COL12A1: variants seen among roughly 807,000 people sequenced by gnomAD.
The protein encoded by COL12A1 is collagen alpha-1(XII) chain.
COL12A1 carries 114 observed loss-of-function variants against 349.7 expected under a neutral mutation model. The ratio of observed to expected loss-of-function variants is 0.33; its 90% CI spans 0.28 to 0.38. The LOEUF is 0.38. Ranked by LOEUF, COL12A1 falls within the 10% of genes least tolerant of loss-of-function variation. The pLI is 1.00. For missense variants in COL12A1, 3,284 were observed against 3,756.9 expected, an observed-to-expected ratio of 0.87 and a Z score of 3.29; for synonymous variants, 1,369 against 1,329.0, an observed-to-expected ratio of 1.03 and a Z score of -0.66.
At chr6:75,146,805 T>G (rs1442850929) in intron 23 of COL12A1, among the ~76,000 whole-genome samples, 1 of 152,156 alleles carries the variant, frequency 6.6e-6, no homozygotes, top group East Asian at 1.9e-4. Context: ...GAGTTCAAAG[T>G]TTTAAGAAAT....
intron 2 of COL12A1, among the ~76,000 whole-genome samples, chr6:75,196,846 G>T (rs143004429): frequency 6.6e-6 from 1 of 152,316 alleles, no homozygotes; most frequent in Non-Finnish European, 1.5e-5. Flanking sequence ...CGGACATTAG[G>T]TTAAAACTGC....
At chr6:75,189,487 C>T (rs1769811796) in intron 6 of COL12A1, 65 bp downstream of exon 6, 1 of 1,578,290 alleles carries the variant, frequency 6.3e-7, no homozygotes, top group Non-Finnish European at 8.6e-7. Flanking sequence ...ATAGGCAATG[C>T]ATCATTTCTT....
At chr6:75,131,883 C>T in intron 35 of COL12A1, 57 bp downstream of exon 35, 1 of 1,592,046 alleles carries the variant, frequency 6.3e-7, no homozygotes, top group African/African-American at 1.3e-5. Context: ...TCAAACGTGA[C>T]ACAAACATGT....
chr6:75,183,447 G>T lies in COL12A1; in HGVS notation c.1494C>A (p.Thr498=), dbSNP rs777711709. ...TTGCTTCAATTATATCTTCAACTTT[G>T]GTGAATTTTTTCAAAGTGAACTCAG... ...PHTEFTLKKF[T]KVEDIIEAIN... Residue 498 remains threonine, a synonymous_variant, in exon 10 of 66, where the codon ACC becomes ACA. Transcript: ENST00000322507. The T allele has an allele frequency of 1.2e-6, 2 of 1,614,120 alleles. No individual in the cohort carries two copies.
chr6:75,138,299 TTCA>T lies in COL12A1; in HGVS notation c.5251+18_5251+20del, dbSNP rs1434361868. 2 of 1,594,352 alleles carry T rather than the reference TTCA, an allele frequency of 1.3e-6. No individual in the cohort carries two copies. Among genetic ancestry groups the T allele is most frequent in the East Asian group, 2.2e-5 (1 of 44,744 alleles). On this transcript the variant is annotated intron_variant, in intron 30 of 65. Transcript: ENST00000322507. ...ATTCATTATTTGTTCATTCAAACAA[TTCA>T]TCAAATTAAATTCTTACCTTGTGTT...
At chr6:75,117,888 C>T (rs1190196830) in intron 46 of COL12A1, among the ~76,000 whole-genome samples, 2 of 152,112 alleles carry the variant, frequency 1.3e-5, no homozygotes, top group Admixed American at 6.6e-5. Context: ...ATATTTTAAG[C>T]TTATGTGACT....
intron 13 of COL12A1, among the ~76,000 whole-genome samples, chr6:75,169,305 T>C (rs1480173415): frequency 6.6e-6 from 1 of 152,186 alleles, no homozygotes; most frequent in African/African-American, 2.4e-5. Flanking sequence ...GAGTCCCTTT[T>C]TAGAGTACCT....
chr6:75,167,678 G>T (rs1363590056), intron 13 of COL12A1, among the ~76,000 whole-genome samples: 1 of 152,158 alleles, frequency 6.6e-6, no homozygotes, highest in Non-Finnish European at 1.5e-5. Context: ...AATAGGAAGA[G>T]AATTGTGGTT....
At chr6:75,157,990 T>C (rs556947359) in intron 14 of COL12A1, among the ~76,000 whole-genome samples, 75 of 152,248 alleles carry the variant, frequency 4.9e-4, no homozygotes, top group Admixed American at 1.8e-3. Context: ...TATTTCCAAG[T>C]AACTTAACTG....
intron 25 of COL12A1, 129 bp downstream of exon 25, chr6:75,145,197 T>C (rs1248439264): frequency 1.1e-6 from 1 of 940,466 alleles, no homozygotes; most frequent in African/African-American, 1.7e-5. Flanking sequence ...TCAAATTTGA[T>C]TGTCAAAAGT....
At chr6:75,156,966 G>T (rs1399742205) in intron 14 of COL12A1, among the ~76,000 whole-genome samples, 1 of 152,130 alleles carries the variant, frequency 6.6e-6, no homozygotes, top group East Asian at 1.9e-4. Context: ...TAACTAGCCA[G>T]AGTGACTGTA....
In COL12A1 at chr6:75,175,261, A is replaced by T; in HGVS notation, c.2487T>A (p.Thr829=). 1.9e-6 allele frequency: 3 copies of T among 1,614,246 alleles called. No individual in the cohort carries two copies. The highest frequency in any genetic ancestry group is 2.5e-6 in the Non-Finnish European group (3 of 1,180,048). Residue 829 remains threonine, a synonymous_variant, in exon 13 of 66, where the codon ACT becomes ACA. Coordinates refer to ENST00000322507, the MANE Select transcript of COL12A1 (RefSeq NM_004370.6). The part of the protein sequence containing the change: ...DLRVSDPTTS[T]MKLSWSGAPG... ...GTGCCCCACTCCAAGATAATTTCAT[A>T]GTAGACGTCGTAGGGTCAGAAACTC...
chr6:75,133,958 G>A lies in COL12A1; in HGVS notation c.5564C>T (p.Pro1855Leu). The A allele has an allele frequency of 6.2e-7, 1 of 1,614,010 alleles. No individual in the cohort carries two copies. Among genetic ancestry groups the A allele is most frequent in the Non-Finnish European group, 8.5e-7 (1 of 1,179,956 alleles). ...GCGGACATTCAAGGTGCTGGTAGAA[G>A]GGTCATACACTCTCAGGTTCCTTAC... is the stretch of plus-strand genomic sequence containing the variant. ...NTVRNLRVYD[P>L]STSTLNVRWD... is the part of the protein sequence containing the mutation. Residue 1855 changes from proline to leucine, a missense_variant, in exon 33 of 66, where the codon CCT (proline) becomes CTT (leucine). By Grantham distance (98) the Pro-to-Leu change is moderately conservative. This residue lies in a region of COL12A1 where 2,601 missense variants were observed against 2,824.8 expected (regional missense o/e 0.92). Transcript: ENST00000322507.
At chr6:75,122,810 C>G (rs1765812108) in intron 43 of COL12A1, among the ~76,000 whole-genome samples, 1 of 152,194 alleles carries the variant, frequency 6.6e-6, no homozygotes, top group South Asian at 2.1e-4. Context: ...CCCTCAAATG[C>G]TGAGAGATCA....
Position 75,137,373 on chromosome 6 carries a change from G to A in COL12A1, c.5394+64C>T, listed in dbSNP as rs1048079913. ...AGTATGACTAACTAAGCACTGAGGGGGAAAAAGAGTTTGAAGAGAAATGGT... is the reference window on the plus strand; with the variant it reads ...AGTATGACTAACTAAGCACTGAGGGAGAAAAAGAGTTTGAAGAGAAATGGT... On this transcript the variant is annotated intron_variant, in intron 31 of 65. Coordinates refer to ENST00000322507, the MANE Select transcript of COL12A1 (RefSeq NM_004370.6). 125 of 1,432,308 alleles carry A rather than the reference G, an allele frequency of 8.7e-5. 2 individuals are homozygous for A. Among genetic ancestry groups the A allele is most frequent in the South Asian group, 4.3e-4 (32 of 75,216 alleles). 88.7% of individuals were successfully genotyped at this position (1,432,308 alleles called of 1,614,324 possible).
At chr6:75,176,514 G>A (rs1768967875) in intron 12 of COL12A1, among the ~76,000 whole-genome samples, 1 of 151,858 alleles carries the variant, frequency 6.6e-6, no homozygotes, top group Admixed American at 6.6e-5. Context: ...TGGGGAGAGT[G>A]ATGTAGAGGG....
At chr6:75,131,516 T>G (rs1320217892) in intron 35 of COL12A1, among the ~76,000 whole-genome samples, 1 of 152,244 alleles carries the variant, frequency 6.6e-6, no homozygotes, top group African/African-American at 2.4e-5. Flanking sequence ...TTCATAGGTT[T>G]ATTTTCCTTT....
rs1769422483 is a variant in COL12A1, at chr6:75,183,331, G to A, written c.1610C>T (p.Ser537Leu). ...CATGACCTTTGGCACATTGCTTCTT[G>A]ATCCCTTGCTAGGCACAAATATTTT... ...REKIFVPSKG[S>L]RSNVPKVMIL... Residue 537 changes from serine to leucine, a missense_variant, in exon 10 of 66, where the codon TCA becomes TTA. Ser to Leu is a moderately radical substitution (Grantham distance 145, BLOSUM62 -2). Around this residue, in one of 2 missense-constraint regions of COL12A1, gnomAD observed 2,601 missense variants for 2,824.8 expected, o/e 0.92. Transcript: ENST00000322507. The A allele has an allele frequency of 1.2e-6, 2 of 1,614,066 alleles. No homozygotes were observed. Among genetic ancestry groups the A allele is most frequent in the African/African-American group, 1.3e-5 (1 of 74,924 alleles).
At chr6:75,132,136 C>A (rs1428144491) in intron 34 of COL12A1, 54 bp from the exon 35 acceptor site, 24 of 1,584,720 alleles carry the variant, frequency 1.5e-5, no homozygotes, top group Non-Finnish European at 2.0e-5. Flanking sequence ...ATATCTCAAG[C>A]TTTTGTATCA....
Sources: allele counts gnomAD v4.1 joint callset (sites outside exome capture counted in the v4.1 genomes callset), GRCh38; gene constraint gnomAD v4.1.1; regional missense constraint gnomAD v4.1.1; transcripts MANE v1.5; gene names NCBI Gene and HGNC (gene_info 2026-07-23, HGNC 2026-07-21).